Variants in CNGB1 observed in about 807,000 individuals in gnomAD.
CNGB1 encodes the protein cyclic nucleotide gated channel subunit beta 1, also known as cyclic nucleotide-gated channel beta-1.
Under a neutral mutation model 151.7 loss-of-function variants are expected in CNGB1, and 126 were observed. The observed-to-expected ratio is 0.83, with a 90% confidence interval of 0.72 to 0.96. The LOEUF (loss-of-function observed/expected upper bound fraction) is 0.96. Among genes scored for constraint, CNGB1 ranks in the 40% least tolerant of loss-of-function variants. The pLI is 0.00. For synonymous variants in CNGB1, 623 were observed against 635.1 expected (o/e 0.98, Z 0.29); for missense variants, 1,698 against 1,627.0 (o/e 1.04, Z -0.75).
Position 57,897,426 on chromosome 16 carries a change from C to G in CNGB1, c.3213G>C (p.Glu1071Asp), listed in dbSNP as rs774960446. ...CTTTCTTCCGGAGTAACTTCTGAGA[C>G]TCAGGATAATGCACCAAAATCTCAT... ...DLNEILVHYP[E>D]SQKLLRKKAR... is the part of the protein sequence containing the mutation. Residue 1071 changes from glutamate to aspartate, a missense_variant, in exon 31 of 33, where the codon GAG (glutamate) becomes GAC (aspartate). Physicochemically the swap from Glu to Asp is conservative, Grantham distance 45. Coordinates refer to ENST00000251102, the MANE Select transcript of CNGB1 (RefSeq NM_001297.5). 6 of 1,614,132 alleles carry G rather than the reference C, an allele frequency of 3.7e-6. No individual in the cohort carries two copies. The highest frequency in any genetic ancestry group is 5.1e-6 in the Non-Finnish European group (6 of 1,180,016).
chr16:57,909,586 G>A lies in CNGB1; in HGVS notation c.2492+2167C>T, dbSNP rs117830070. Among the ~76,000 whole-genome samples, 122 of 152,178 alleles carry A rather than the reference G, an allele frequency of 8.0e-4. No homozygotes were observed. In the East Asian group the frequency reaches 0.021, roughly 27 times the overall value. ...GTATTTTTAGTAGAGATGTGGTTTC[G>A]CCATGTCGACTAGGCTGGTCTCAAA... is the stretch of plus-strand genomic sequence containing the variant. On this transcript the variant is annotated intron_variant, in intron 25 of 32. Transcript: ENST00000251102.
At chr16:57,954,851 C>T (rs1036845873) in intron 12 of CNGB1, 9 of 999,680 alleles carry the variant, frequency 9.0e-6, no homozygotes, top group Non-Finnish European at 1.1e-5. Flanking sequence ...GGGCTGTGCA[C>T]GCGTCCTCTC....
Position 57,952,470 on chromosome 16 carries a change from C to T in CNGB1, c.875-1930G>A, listed in dbSNP as rs998380893. On this transcript the variant is annotated intron_variant, in intron 12 of 32. Coordinates refer to ENST00000251102, the MANE Select transcript of CNGB1 (RefSeq NM_001297.5). ...TTTTCTTTTTAGGTCCTATTTAGTG[C>T]GTGGGTGTTTTACAAGCATTTCCTT... Among the ~76,000 whole-genome samples the T allele has an allele frequency of 2.5e-4, 33 of 132,992 alleles. 1 individual carries two copies. The highest frequency in any genetic ancestry group is 2.4e-3 in the Admixed American group (31 of 13,156). The allele number at this position is 132,992 out of a possible 152,430, so 87.2% of individuals were successfully genotyped here. A position where few individuals can be genotyped will look rare whatever the true frequency, so the allele number is the denominator to read the frequency against.
intron 12 of CNGB1, 68 bp downstream of exon 12, chr16:57,957,273 G>A: frequency 6.7e-7 from 1 of 1,491,732 alleles, no homozygotes; most frequent in Non-Finnish European, 9.4e-7. Flanking sequence ...CCCACATACA[G>A]TCAGACCCAA....
intron 14 of CNGB1, among the ~76,000 whole-genome samples, chr16:57,947,972 G>C (rs1394133741): frequency 6.6e-6 from 1 of 152,204 alleles, no homozygotes; most frequent in African/African-American, 2.4e-5. Context: ...CGTTTCTGAT[G>C]CCAAAGCCTG....
chr16:57,953,805 A>C (rs1179476849), intron 12 of CNGB1, among the ~76,000 whole-genome samples: 12 of 152,266 alleles, frequency 7.9e-5, no homozygotes, highest in African/African-American at 2.9e-4. Flanking sequence ...CATCAGAATC[A>C]TCTGAGAAAG....
chr16:57,949,540 C>G (rs904516095), intron 13 of CNGB1, 101 bp from the exon 14 acceptor site: 11 of 1,582,748 alleles, frequency 6.9e-6, no homozygotes, highest in Non-Finnish European at 9.5e-6. Flanking sequence ...GACACCTGAG[C>G]CCAGACCTGG....
intron 25 of CNGB1, among the ~76,000 whole-genome samples, chr16:57,905,624 G>A (rs890848573): frequency 2.6e-5 from 4 of 152,276 alleles, no homozygotes; most frequent in African/African-American, 9.6e-5. Flanking sequence ...CAGTGCAATG[G>A]TGTCAGGAGC....
Position 57,903,968 on chromosome 16 carries a change from A to G in CNGB1, c.2648T>C (p.Val883Ala), listed in dbSNP as rs1448516252. The G allele has an allele frequency of 1.2e-6, 2 of 1,613,748 alleles. No homozygotes were observed. The highest frequency in any genetic ancestry group is 1.7e-5 in the Admixed American group (1 of 59,998). Residue 883 changes from valine to alanine, a missense_variant, in exon 27 of 33, where the codon GTA (valine) becomes GCA (alanine). By Grantham distance (64) the Val-to-Ala change is moderately conservative. Coordinates refer to ENST00000251102, the MANE Select transcript of CNGB1 (RefSeq NM_001297.5). ...GGTCTGTCCGGCGGTGGCGGCCCCT[A>G]CCACATCTCTCATCTGGGGGAAGGG... ...SVMIGQMRDVVGAATAGQTYY... is the reference protein window; with the variant it reads ...SVMIGQMRDVAGAATAGQTYY...
chr16:57,967,925 G>T (rs958301398), intron 1 of CNGB1, among the ~76,000 whole-genome samples: 3 of 152,118 alleles, frequency 2.0e-5, no homozygotes, highest in African/African-American at 7.2e-5. Flanking sequence ...ATCAAGAGGA[G>T]ACTGGTTATT....
chr16:57,964,377 A>G, intron 3 of CNGB1, 110 bp downstream of exon 3: 1 of 1,447,242 alleles, frequency 6.9e-7, no homozygotes, highest in Non-Finnish European at 9.6e-7. Context: ...TCTGAGTCTC[A>G]GTTTCCTCAT....
In CNGB1 at chr16:57,884,104, C is replaced by T. The variant is rs1351416854; in HGVS notation, c.*60G>A. 2.8e-5 allele frequency: 45 copies of T among 1,608,068 alleles called. No individual in the cohort carries two copies. Among genetic ancestry groups the T allele is most frequent in the African/African-American group, 5.4e-5 (4 of 74,752 alleles). ...AAGGTGGGGCGCTGGGGCGCAGGGG[C>T]GCAGCGGGCGCTGGGGACACACCTG... On this transcript the variant is annotated 3_prime_UTR_variant, in exon 33 of 33. Coordinates refer to ENST00000251102, the MANE Select transcript of CNGB1 (RefSeq NM_001297.5).
intron 17 of CNGB1, among the ~76,000 whole-genome samples, chr16:57,927,135 G>A (rs1043717003): frequency 2.0e-5 from 3 of 152,312 alleles, no homozygotes; most frequent in South Asian, 2.1e-4. Context: ...GCAGTAGCTC[G>A]TTAAATTCTC....
At chr16:57,957,294 C>A in intron 12 of CNGB1, 47 bp downstream of exon 12, 1 of 1,587,192 alleles carries the variant, frequency 6.3e-7, no homozygotes, top group Non-Finnish European at 8.7e-7. Context: ...GGACACCAAG[C>A]AACCCTTCCT....
At chr16:57,923,696 C>G (rs1193338954) in intron 17 of CNGB1, among the ~76,000 whole-genome samples, 1 of 152,216 alleles carries the variant, frequency 6.6e-6, no homozygotes, top group African/African-American at 2.4e-5. Flanking sequence ...TGCTGAGTTA[C>G]CTCAGTTTCC....
chr16:57,964,854 G>T (rs1009831868), intron 2 of CNGB1, among the ~76,000 whole-genome samples: 1 of 152,172 alleles, frequency 6.6e-6, no homozygotes, highest in Non-Finnish European at 1.5e-5. Flanking sequence ...AGAGGAGAAA[G>T]GACCATTTAG....
chr16:57,958,273 T>C, intron 11 of CNGB1, 137 bp downstream of exon 11: 1 of 502,240 alleles, frequency 2.0e-6, no homozygotes, highest in East Asian at 3.6e-5. Context: ...GTGGGTGGAA[T>C]GAACGTGGGC....
At chr16:57,943,438 G>T (rs552720457) in intron 14 of CNGB1, among the ~76,000 whole-genome samples, 288 of 152,266 alleles carry the variant, frequency 1.9e-3, no homozygotes, top group South Asian at 0.016. Flanking sequence ...TTGGGAAGCC[G>T]AGGTGGGTGG....
chr16:57,962,059 G>T, intron 7 of CNGB1, among the ~76,000 whole-genome samples: 1 of 152,316 alleles, frequency 6.6e-6, no homozygotes, highest in Middle Eastern at 3.4e-3. Flanking sequence ...CAGCAAGGAA[G>T]AGGCAGTTGA....
Sources: allele counts gnomAD v4.1 joint callset (sites outside exome capture counted in the v4.1 genomes callset), GRCh38; gene constraint gnomAD v4.1.1; transcripts MANE v1.5; gene names NCBI Gene and HGNC (gene_info 2026-07-23, HGNC 2026-07-21).